Variants in LAMA2 observed in about 807,000 individuals in gnomAD.
LAMA2 encodes laminin subunit alpha 2, also known as laminin subunit alpha-2.
Under a neutral mutation model 364.8 loss-of-function variants are expected in LAMA2, and 269 were observed. The observed-to-expected ratio is 0.74, with a 90% CI of 0.67 to 0.82. The LOEUF (loss-of-function observed/expected upper bound fraction) is 0.82, where lower values mean the gene tolerates loss of function less well. Ranked by LOEUF, LAMA2 falls within the 40% of genes least tolerant of loss-of-function variation. The pLI, the probability that LAMA2 is intolerant of heterozygous loss-of-function variation, is 0.00. For synonymous variants in LAMA2, 1,379 were observed against 1,370.6 expected (o/e 1.01, Z -0.14); for missense variants, 3,807 against 3,873.2 (o/e 0.98, Z 0.45).
intron 1 of LAMA2, among the ~76,000 whole-genome samples, chr6:129,037,555 G>T (rs1345919926): frequency 6.6e-6 from 1 of 152,068 alleles, no homozygotes; most frequent in Non-Finnish European, 1.5e-5. Context: ...ACATGTGTGT[G>T]TATGTGTGTG....
At chr6:129,499,591 C>A (rs1785463995) in intron 58 of LAMA2, among the ~76,000 whole-genome samples, 1 of 152,076 alleles carries the variant, frequency 6.6e-6, no homozygotes, top group South Asian at 2.1e-4. Context: ...CTTTAAAATG[C>A]TAGAAGGAAA....
intron 35 of LAMA2, among the ~76,000 whole-genome samples, chr6:129,384,339 C>T (rs914815912): frequency 6.6e-6 from 1 of 152,188 alleles, no homozygotes; most frequent in Non-Finnish European, 1.5e-5. Context: ...AGGTAGAGCA[C>T]CTTCACTCTG....
At chr6:129,234,992 T>C (rs1784892476) in intron 12 of LAMA2, among the ~76,000 whole-genome samples, 1 of 152,200 alleles carries the variant, frequency 6.6e-6, no homozygotes, top group Admixed American at 6.5e-5. Flanking sequence ...TAGATGGAAA[T>C]GTATGATTTT....
At chr6:129,363,753 G>T (rs1040096028) in intron 32 of LAMA2, among the ~76,000 whole-genome samples, 2 of 152,156 alleles carry the variant, frequency 1.3e-5, no homozygotes, top group Non-Finnish European at 2.9e-5. Flanking sequence ...TAGGATTTCC[G>T]AAAGTCCTAC....
chr6:129,149,403 G>T (rs1778664297), intron 7 of LAMA2, among the ~76,000 whole-genome samples: 1 of 152,106 alleles, frequency 6.6e-6, no homozygotes, highest in African/African-American at 2.4e-5. Flanking sequence ...GGGCTGAACT[G>T]CAAACCTAAA....
rs11387698 is a variant in LAMA2 at position 129,205,225 on chromosome 6, TA to T, written c.1782+12380del. Among the ~76,000 whole-genome samples the T allele has an allele frequency of 3.7e-4, 55 of 150,080 alleles. No individual in the cohort carries two copies. The South Asian group carries it at 0.011, about 29-fold the overall frequency. ...TAACATGGTGAAACCCCGTCTCTAC[TA>T]AAAAAAATACAAAAAATTAGCTGGA... is the stretch of plus-strand genomic sequence containing the variant. On this transcript the variant is annotated intron_variant, in intron 12 of 64. Coordinates refer to ENST00000421865, the MANE Select transcript of LAMA2 (RefSeq NM_000426.4).
chr6:129,119,731 G>A (rs1396045360), intron 4 of LAMA2, among the ~76,000 whole-genome samples: 1 of 151,978 alleles, frequency 6.6e-6, no homozygotes, highest in East Asian at 1.9e-4. Context: ...TGTATTTTTA[G>A]TACAGACGGG....
At chr6:129,051,665 GATCGATCTATAGATATCTATATCTA>G (rs1562192150) in intron 2 of LAMA2, among the ~76,000 whole-genome samples, 1 of 90,680 alleles carries the variant, frequency 1.1e-5, no homozygotes, top group Non-Finnish European at 2.8e-5. Flanking sequence ...CATATCTATA[GATCGATCTATAGATATCTATATCTA>G]TAGATCGATC....
Position 129,190,992 on chromosome 6 carries a change from A to G in LAMA2, c.1608+647A>G, listed in dbSNP as rs573237297. ...AAGAGCATGTTGTCTCCCTATACAGAAAAGTGTCAGAGGAAAATGGGACCT... is the reference window on the plus strand; with the variant it reads ...AAGAGCATGTTGTCTCCCTATACAGGAAAGTGTCAGAGGAAAATGGGACCT... On this transcript the variant is annotated intron_variant, in intron 11 of 64. Coordinates refer to ENST00000421865, the MANE Select transcript of LAMA2 (RefSeq NM_000426.4). Among the ~76,000 whole-genome samples the G allele has an allele frequency of 6.6e-5, 10 of 152,320 alleles. No homozygotes were observed. In the South Asian group the frequency reaches 2.1e-3, roughly 32 times the overall value.
chr6:129,182,097 C>A (rs946012072), intron 10 of LAMA2, among the ~76,000 whole-genome samples: 3 of 151,376 alleles, frequency 2.0e-5, no homozygotes, highest in African/African-American at 4.9e-5. Flanking sequence ...CAGTGACAAG[C>A]AAATAAAAAA....
chr6:129,359,878 G>T (rs1398265524), intron 32 of LAMA2, among the ~76,000 whole-genome samples: 1 of 152,074 alleles, frequency 6.6e-6, no homozygotes, highest in Non-Finnish European at 1.5e-5. Context: ...TGGTAGAAAT[G>T]CAGTATTTTG....
At chr6:128,950,627 T>TAGC (rs1268278452) in intron 1 of LAMA2, among the ~76,000 whole-genome samples, 21 of 152,114 alleles carry the variant, frequency 1.4e-4, no homozygotes, top group African/African-American at 4.6e-4. Context: ...TCTCCCTTCT[T>TAGC]AGCTGTTTGA....
chr6:129,267,434 G>T (rs1308807355), intron 16 of LAMA2, among the ~76,000 whole-genome samples: 1 of 152,016 alleles, frequency 6.6e-6, no homozygotes, highest in Non-Finnish European at 1.5e-5. Flanking sequence ...ATTAAATCAA[G>T]AATTAAATTA....
chr6:128,922,326 A>AGT (rs1208891227), intron 1 of LAMA2, among the ~76,000 whole-genome samples: 5 of 151,472 alleles, frequency 3.3e-5, no homozygotes, highest in African/African-American at 1.2e-4. Context: ...TCCCACCAAC[A>AGT]GTGTAAAAGT....
At chr6:128,964,476 G>C (rs1489030454) in intron 1 of LAMA2, among the ~76,000 whole-genome samples, 1 of 152,030 alleles carries the variant, frequency 6.6e-6, no homozygotes, top group African/African-American at 2.4e-5. Flanking sequence ...GAGCTCAGCT[G>C]TCATAATATT....
rs1291126898 is a variant in LAMA2 at position 129,238,574 on chromosome 6, TGTGAGAGA to T, written c.1783-11536_1783-11529del. 5.1e-3 allele frequency among the ~76,000 whole-genome samples: 722 copies of T among 140,846 alleles called. 6 individuals carry two copies. The highest frequency in any genetic ancestry group is 0.039 in the South Asian group (169 of 4,304). 92.4% of individuals were successfully genotyped at this position (140,846 alleles called of 152,430 possible). A position where few individuals can be genotyped will look rare whatever the true frequency, so the allele number is the denominator to read the frequency against. Reference sequence around the variant, plus strand: ...GTGTTCATGTGTGTGTGTGTGTGTGTGTGAGAGAGAGAGAGAGAGAGAGAGAGAGAAAG... The same window carrying T: ...GTGTTCATGTGTGTGTGTGTGTGTGTGAGAGAGAGAGAGAGAGAGAGAAAG... On this transcript the variant is annotated intron_variant, in intron 12 of 64. Transcript: ENST00000421865.
chr6:129,251,337 A>C (rs1786225764), intron 13 of LAMA2, among the ~76,000 whole-genome samples: 1 of 151,974 alleles, frequency 6.6e-6, no homozygotes, highest in Non-Finnish European at 1.5e-5. Flanking sequence ...CTTTAAAATA[A>C]TAGCTTAATT....
chr6:129,233,052 G>A (rs1272232358), intron 12 of LAMA2, among the ~76,000 whole-genome samples: 1 of 152,186 alleles, frequency 6.6e-6, no homozygotes, highest in South Asian at 2.1e-4. Context: ...CAACCTGAAT[G>A]AACAAGGAGA....
rs555146418 is a variant in LAMA2, at chr6:128,915,831, A to G, written c.112+32474A>G. ...AAAATCCAAGTCTTTATAGTTGTATATTTGTAGTGAAAACAACCGTGGGGG... is the reference window on the plus strand; with the variant it reads ...AAAATCCAAGTCTTTATAGTTGTATGTTTGTAGTGAAAACAACCGTGGGGG... On this transcript the variant is annotated intron_variant, in intron 1 of 64. Coordinates refer to ENST00000421865, the MANE Select transcript of LAMA2 (RefSeq NM_000426.4). Among the ~76,000 whole-genome samples the G allele has an allele frequency of 3.3e-5, 5 of 152,192 alleles. No homozygotes were observed. The South Asian group carries it at 6.2e-4, about 19-fold the overall frequency.
Sources: allele counts gnomAD v4.1 joint callset (sites outside exome capture counted in the v4.1 genomes callset), GRCh38; gene constraint gnomAD v4.1.1; transcripts MANE v1.5; gene names NCBI Gene and HGNC (gene_info 2026-07-23, HGNC 2026-07-21).